WDFY3: variants seen among roughly 807,000 people sequenced by gnomAD.
WDFY3 encodes the protein WD repeat and FYVE domain-containing protein 3.
A neutral mutation model predicts 409.6 loss-of-function variants in WDFY3; 66 were observed. The ratio of observed to expected loss-of-function variants is 0.16; its 90% CI spans 0.13 to 0.20. The LOEUF (loss-of-function observed/expected upper bound fraction) is 0.20. WDFY3 is among the 10% of genes least tolerant of loss of function. WDFY3 has a pLI of 1.00. For missense variants in WDFY3, 3,031 were observed against 4,298.1 expected (o/e 0.71, Z 8.24); for synonymous variants, 1,521 against 1,537.1 (o/e 0.99, Z 0.25).
At chr4:84,863,905 T>C (rs1761012461) in intron 3 of WDFY3, among the ~76,000 whole-genome samples, 1 of 152,212 alleles carries the variant, frequency 6.6e-6, no homozygotes, top group Non-Finnish European at 1.5e-5. Flanking sequence ...TCTATATGTC[T>C]GTTTTCATGC....
chr4:84,748,309 G>A (rs1474591705), intron 36 of WDFY3, among the ~76,000 whole-genome samples: 1 of 152,178 alleles, frequency 6.6e-6, no homozygotes, highest in African/African-American at 2.4e-5. Context: ...AATTCTCAGA[G>A]AGAGGTTCAC....
chr4:84,677,894 T>C (rs1271160704), intron 66 of WDFY3, among the ~76,000 whole-genome samples: 1 of 144,872 alleles, frequency 6.9e-6, no homozygotes, highest in Non-Finnish European at 1.5e-5. Context: ...GCCTGGGAGG[T>C]TGAGGCTGCA....
chr4:84,813,567 C>T (rs1467309705), intron 13 of WDFY3, among the ~76,000 whole-genome samples: 1 of 152,098 alleles, frequency 6.6e-6, no homozygotes, highest in Non-Finnish European at 1.5e-5. Context: ...ACTGAATAGG[C>T]CACAATGTGA....
chr4:84,820,861 C>T (rs1356091419), intron 11 of WDFY3, among the ~76,000 whole-genome samples: 1 of 152,040 alleles, frequency 6.6e-6, no homozygotes, highest in Non-Finnish European at 1.5e-5. Context: ...TTCCTTTAAA[C>T]TCTCTCCAAT....
intron 15 of WDFY3, 77 bp from the exon 16 acceptor site, chr4:84,803,544 G>A: frequency 6.8e-7 from 1 of 1,462,674 alleles, no homozygotes. Flanking sequence ...TTCATCCACT[G>A]ATAACCAAAA....
chr4:84,752,693 A>G (rs1241641469), intron 35 of WDFY3, among the ~76,000 whole-genome samples: 1 of 152,176 alleles, frequency 6.6e-6, no homozygotes, highest in African/African-American at 2.4e-5. Context: ...CCATTTTAGA[A>G]TAAGTATTGT....
chr4:84,712,982 GAC>G (rs2149017803), intron 51 of WDFY3, among the ~76,000 whole-genome samples, 175 bp downstream of exon 51: 1 of 152,248 alleles, frequency 6.6e-6, no homozygotes, highest in African/African-American at 2.4e-5. Context: ...GCAGTGATTT[GAC>G]ACAGTGCTTA....
chr4:84,758,355 C>T (rs941206686), intron 32 of WDFY3, among the ~76,000 whole-genome samples: 29 of 152,284 alleles, frequency 1.9e-4, no homozygotes, highest in African/African-American at 7.0e-4. Flanking sequence ...AAAGGATCCT[C>T]CCGCCTCAGC....
intron 65 of WDFY3, 115 bp from the exon 66 acceptor site, chr4:84,678,394 C>G: frequency 1.5e-6 from 1 of 684,670 alleles, no homozygotes; most frequent in Non-Finnish European, 2.6e-6. Flanking sequence ...ACAGCTACAG[C>G]AGCTTTTCCA....
At chr4:84,730,682 C>A (rs1158255969) in intron 44 of WDFY3, among the ~76,000 whole-genome samples, 1 of 152,096 alleles carries the variant, frequency 6.6e-6, no homozygotes, top group African/African-American at 2.4e-5. Context: ...GAGCATCTAG[C>A]TCAGGAGTGT....
intron 7 of WDFY3, among the ~76,000 whole-genome samples, chr4:84,832,091 A>C (rs536312257): frequency 6.6e-6 from 1 of 152,294 alleles, no homozygotes; most frequent in East Asian, 1.9e-4. Context: ...AATCAACCTA[A>C]GTATCCAACA....
intron 55 of WDFY3, among the ~76,000 whole-genome samples, chr4:84,702,783 G>C (rs185233624): frequency 4.9e-4 from 75 of 152,326 alleles, no homozygotes; most frequent in African/African-American, 1.7e-3. Context: ...AGATTTTAAA[G>C]AGAGGACAAG....
intron 25 of WDFY3, among the ~76,000 whole-genome samples, chr4:84,780,750 G>A (rs1746351605): frequency 6.6e-6 from 1 of 151,534 alleles, no homozygotes; most frequent in Non-Finnish European, 1.5e-5. Flanking sequence ...GGTGACAGAG[G>A]GAGACTCCCT....
chr4:84,764,880 A>C (rs1018358215), intron 32 of WDFY3, among the ~76,000 whole-genome samples: 50 of 152,132 alleles, frequency 3.3e-4, no homozygotes, highest in African/African-American at 1.2e-3. Context: ...AAAAAAAAAA[A>C]AGATCTGTCT....
At position 84,796,792 on chromosome 4, in the gene WDFY3, A is replaced by T. The variant is rs772025160; in HGVS notation, c.2936-40T>A. On this transcript the variant is annotated intron_variant, in intron 18 of 67. Coordinates refer to ENST00000295888, the MANE Select transcript of WDFY3 (RefSeq NM_014991.6). Reference sequence around the variant, plus strand: ...AATCTCTTGGGAAAATGTCATATGGAATTTCAAAATAACTTTACAAGGCTG... The same window carrying T: ...AATCTCTTGGGAAAATGTCATATGGTATTTCAAAATAACTTTACAAGGCTG... 1.4e-5 allele frequency: 21 copies of T among 1,505,278 alleles called. No individual in the cohort carries two copies. In the East Asian group the frequency reaches 4.7e-4, roughly 34 times the overall value. The allele number at this position is 1,505,278 out of a possible 1,614,324, so 93.2% of individuals were successfully genotyped here. A position where few individuals can be genotyped will look rare whatever the true frequency, so the allele number is the denominator to read the frequency against.
intron 9 of WDFY3, among the ~76,000 whole-genome samples, chr4:84,828,557 G>A (rs947054399): frequency 3.3e-5 from 5 of 152,104 alleles, no homozygotes; most frequent in Non-Finnish European, 5.9e-5. Flanking sequence ...CCTGCATTTG[G>A]CAATTTAACT....
At chr4:84,931,436 AG>A (rs1416431508) in intron 2 of WDFY3, among the ~76,000 whole-genome samples, 1 of 152,194 alleles carries the variant, frequency 6.6e-6, no homozygotes, top group Admixed American at 6.5e-5. Context: ...CTTGGGAGGC[AG>A]TGGCAAGCAG....
At chr4:84,686,548 A>G (rs1728356923) in intron 62 of WDFY3, among the ~76,000 whole-genome samples, 3 of 152,202 alleles carry the variant, frequency 2.0e-5, no homozygotes, top group Admixed American at 2.0e-4. Context: ...GAAATCAAAG[A>G]TGCAGCATCC....
In WDFY3 at chr4:84,672,929, T is replaced by C. The variant is rs1189378359; in HGVS notation, c.10520A>G (p.Gln3507Arg). Residue 3507 changes from glutamine to arginine, a missense_variant, in exon 68 of 68, where the codon CAG becomes CGG. Gln to Arg is a conservative substitution (Grantham distance 43). Transcript: ENST00000295888. ...LKISSPVRVC[Q>R]NCYYNLQHER... Reference sequence around the variant, plus strand: ...ATGCTGTAAGTTATAATAACAGTTCTGACAAACACGCACCGGGGATGAGAT... The same window carrying C: ...ATGCTGTAAGTTATAATAACAGTTCCGACAAACACGCACCGGGGATGAGAT... 1 of 1,614,028 alleles carries C rather than the reference T, an allele frequency of 6.2e-7. No homozygotes were observed. The highest frequency in any genetic ancestry group is 8.5e-7 in the Non-Finnish European group (1 of 1,180,010).
Sources: allele counts gnomAD v4.1 joint callset (sites outside exome capture counted in the v4.1 genomes callset), GRCh38; gene constraint gnomAD v4.1.1; transcripts MANE v1.5; gene names NCBI Gene and HGNC (gene_info 2026-07-23, HGNC 2026-07-21).